Variants in MNT observed in about 807,000 individuals in gnomAD.
MNT encodes max-binding protein MNT.
MNT carries 13 observed loss-of-function variants against 40.7 expected under a neutral mutation model. The observed-to-expected ratio is 0.32, with a 90% CI of 0.21 to 0.51. The LOEUF (loss-of-function observed/expected upper bound fraction) is 0.51, where lower values mean the gene tolerates loss of function less well. Ranked by LOEUF, MNT falls within the 20% of genes least tolerant of loss-of-function variation. The pLI is 0.98. For synonymous variants in MNT, 426 were observed against 354.8 expected (o/e 1.20, Z -2.26); for missense variants, 757 against 792.0 (o/e 0.96, Z 0.53).
In MNT at chr17:2,386,595, C is replaced by T. The variant is rs892744259; in HGVS notation, c.*306G>A. On this transcript the variant is annotated 3_prime_UTR_variant, in exon 6 of 6. Transcript: ENST00000174618. ...AAGTCAGGGAGCGTGACGTCCACATCGCACTGATTTCCGAGGGTAGGGAGG... is the reference window on the plus strand; with the variant it reads ...AAGTCAGGGAGCGTGACGTCCACATTGCACTGATTTCCGAGGGTAGGGAGG... 1.7e-4 allele frequency: 63 copies of T among 366,752 alleles called. No individual in the cohort carries two copies. The highest frequency in any genetic ancestry group is 2.8e-4 in the Non-Finnish European group (56 of 202,520). The allele number at this position is 366,752 out of a possible 1,614,324, so 22.7% of individuals were successfully genotyped here.
At chr17:2,399,946 A>G (rs1463611441) in intron 1 of MNT, among the ~76,000 whole-genome samples, 1 of 152,110 alleles carries the variant, frequency 6.6e-6, no homozygotes, top group African/African-American at 2.4e-5. Flanking sequence ...CCCGGCTTTC[A>G]CCCAAACCCC....
intron 4 of MNT, 40 bp from the exon 5 acceptor site, chr17:2,388,089 G>T (rs759014050): frequency 7.9e-6 from 12 of 1,512,164 alleles, no homozygotes; most frequent in Non-Finnish European, 1.1e-5. Flanking sequence ...ACCCTGAGCA[G>T]CAGCCTTGGG....
intron 1 of MNT, among the ~76,000 whole-genome samples, chr17:2,395,716 C>T (rs371789776): frequency 2.0e-5 from 3 of 152,088 alleles, no homozygotes; most frequent in Admixed American, 6.5e-5. Context: ...GCTGACAGTC[C>T]GGGCTGCGGG....
chr17:2,394,126 T>A lies in MNT; in HGVS notation c.724A>T (p.Thr242Ser). ...ACGTTGGGGATGTTCCGCTTCAGGG[T>A]CTCAAAGCACTCTTTCAGATGGGCC... Reference protein sequence around the residue: ...RRAHLKECFETLKRNIPNVDD... With the variant: ...RRAHLKECFESLKRNIPNVDD... The change falls in exon 4 of 6, where the codon ACC (threonine) becomes TCC (serine). Residue 242 changes from threonine (T) to serine (S), a missense_variant. Thr to Ser is a moderately conservative substitution (Grantham distance 58, BLOSUM62 1). Coordinates refer to ENST00000174618, the MANE Select transcript of MNT (RefSeq NM_020310.3). The A allele has an allele frequency of 6.2e-7, 1 of 1,608,286 alleles. No individual in the cohort carries two copies.
Position 2,400,873 on chromosome 17 carries a change from G to T in MNT, c.-161C>A. The T allele has an allele frequency of 2.3e-6, 1 of 432,858 alleles. No individual in the cohort carries two copies. Among genetic ancestry groups the T allele is most frequent in the Admixed American group, 4.5e-5 (1 of 22,308 alleles). 26.8% of individuals were successfully genotyped at this position (432,858 alleles called of 1,614,324 possible). ...GCAGGGAAGAACGGGGGAGCACGGG[G>T]AGAAAAATCAATGTCTCTCAAAATA... On this transcript the variant is annotated 5_prime_UTR_variant, in exon 1 of 6. Coordinates refer to ENST00000174618, the MANE Select transcript of MNT (RefSeq NM_020310.3).
intron 4 of MNT, chr17:2,391,709 A>G (rs1181008528): frequency 6.6e-6 from 1 of 152,370 alleles, no homozygotes; most frequent in African/African-American, 2.4e-5. Context: ...TGCTCTCAGC[A>G]AACAACCAAA....
intron 1 of MNT, among the ~76,000 whole-genome samples, chr17:2,397,289 TC>T (rs2066584839): frequency 6.6e-6 from 1 of 152,072 alleles, no homozygotes; most frequent in Non-Finnish European, 1.5e-5. Context: ...CCTGCTGAGT[TC>T]CAGTGACAGG....
At position 2,387,036 on chromosome 17, in the gene MNT, C is replaced by T. The variant is rs778974120; in HGVS notation, c.1614G>A (p.Pro538=). The part of the protein sequence containing the change: ...QVNGTAGLGP[P]ATVMAKPAVG... ...CGGCCGGCTTTGCCATGACAGTAGC[C>T]GGGGGCCCCAGGCCGGCCGTGCCGT... The change falls in exon 6 of 6, where the codon CCG becomes CCA. Residue 538 remains proline, a synonymous_variant. Coordinates refer to ENST00000174618, the MANE Select transcript of MNT (RefSeq NM_020310.3). The T allele has an allele frequency of 1.9e-6, 3 of 1,552,472 alleles. No homozygotes were observed. The highest frequency in any genetic ancestry group is 1.4e-5 in the African/African-American group (1 of 73,650).
At position 2,394,269 on chromosome 17, in the gene MNT, G is replaced by GCACA. The variant is rs771759353; in HGVS notation, c.695+35_695+36insTGTG. 74 of 1,490,754 alleles carry GCACA rather than the reference G, an allele frequency of 5.0e-5. No homozygotes were observed. In the East Asian group the frequency reaches 9.0e-4, roughly 18 times the overall value. The allele number at this position is 1,490,754 out of a possible 1,614,324, so 92.3% of individuals were successfully genotyped here. On this transcript the variant is annotated intron_variant, in intron 3 of 5. Coordinates refer to ENST00000174618, the MANE Select transcript of MNT (RefSeq NM_020310.3). Reference sequence around the variant, plus strand: ...GCCGGGGCCCGGGTCGCGCGCGCACGCACGCACGCACACACACACACACAC... The same window carrying GCACA: ...GCCGGGGCCCGGGTCGCGCGCGCACGCACACACGCACGCACACACACACACACAC...
intron 5 of MNT, 73 bp from the exon 6 acceptor site, chr17:2,387,722 G>T: frequency 6.3e-7 from 1 of 1,582,008 alleles, no homozygotes. Flanking sequence ...AGATGCTCGT[G>T]GGGGCGTGGG....
intron 4 of MNT, among the ~76,000 whole-genome samples, chr17:2,392,461 G>C (rs188334422): frequency 6.6e-6 from 1 of 152,226 alleles, no homozygotes; most frequent in African/African-American, 2.4e-5. Context: ...TCTGCAAGTA[G>C]TATCTGCAAA....
At chr17:2,392,513 T>C (rs1009606698) in intron 4 of MNT, among the ~76,000 whole-genome samples, 1 of 152,222 alleles carries the variant, frequency 6.6e-6, no homozygotes, top group Non-Finnish European at 1.5e-5. Flanking sequence ...TCAAAAATAA[T>C]AGCTAAGCAA....
chr17:2,399,978 T>G (rs2066603314), intron 1 of MNT, among the ~76,000 whole-genome samples: 1 of 152,098 alleles, frequency 6.6e-6, no homozygotes, highest in Admixed American at 6.5e-5. Flanking sequence ...CCAGCCCAGC[T>G]CTGGGAGGCG....
At position 2,386,409 on chromosome 17, in the gene MNT, G is replaced by A. The variant is rs117258279; in HGVS notation, c.*492C>T. On this transcript the variant is annotated 3_prime_UTR_variant, in exon 6 of 6. Transcript: ENST00000174618. ...GCAAGGCCCCTTATCACCCCAATCC[G>A]CAGCTTTCTGGGCCAAGTGGCTTCA... is the stretch of plus-strand genomic sequence containing the variant. 7.5e-4 allele frequency: 118 copies of A among 156,830 alleles called. 1 individual carries two copies. In the East Asian group the frequency reaches 0.02, roughly 26 times the overall value. The allele number at this position is 156,830 out of a possible 1,614,324, so 9.7% of individuals were successfully genotyped here.
In MNT at chr17:2,394,859, G is replaced by T; in HGVS notation, c.653+16C>A. 7.9e-6 allele frequency: 12 copies of T among 1,520,466 alleles called. No individual in the cohort carries two copies. Among genetic ancestry groups the T allele is most frequent in the South Asian group, 1.2e-5 (1 of 84,004 alleles). The allele number at this position is 1,520,466 out of a possible 1,614,324, so 94.2% of individuals were successfully genotyped here. On this transcript the variant is annotated intron_variant, in intron 2 of 5. Transcript: ENST00000174618. Reference sequence around the variant, plus strand: ...TCCTATCCCCCACCAGCCCGACCCCGCCACACCCCACTCACCCCCCGGGCC... The same window carrying T: ...TCCTATCCCCCACCAGCCCGACCCCTCCACACCCCACTCACCCCCCGGGCC...
chr17:2,393,068 G>T (rs557784518), intron 4 of MNT, among the ~76,000 whole-genome samples: 4 of 152,026 alleles, frequency 2.6e-5, no homozygotes, highest in African/African-American at 9.6e-5. Context: ...CCCTCCCACG[G>T]GGCCCGTGAC....
At chr17:2,392,443 AG>A (rs1278485628) in intron 4 of MNT, among the ~76,000 whole-genome samples, 1 of 152,122 alleles carries the variant, frequency 6.6e-6, no homozygotes, top group Non-Finnish European at 1.5e-5. Flanking sequence ...ACGTTACGCA[AG>A]GCGCCCTCTG....
chr17:2,394,277 G>GCACGCACACACACACACACACACACA (rs539682697), intron 3 of MNT, 28 bp downstream of exon 3: 15 of 1,489,334 alleles, frequency 1.0e-5, no homozygotes, highest in African/African-American at 9.4e-5. Context: ...ACGCACGCAC[G>GCACGCACACACACACACACACACACA]CACACACACA....
intron 4 of MNT, among the ~76,000 whole-genome samples, chr17:2,393,442 G>A (rs2066542372): frequency 6.6e-6 from 1 of 152,178 alleles, no homozygotes; most frequent in Non-Finnish European, 1.5e-5. Flanking sequence ...TTTCAGGCTC[G>A]GCGGCCCCGG....
Sources: allele counts gnomAD v4.1 joint callset (sites outside exome capture counted in the v4.1 genomes callset), GRCh38; gene constraint gnomAD v4.1.1; transcripts MANE v1.5; gene names NCBI Gene and HGNC (gene_info 2026-07-23, HGNC 2026-07-21).